NPAS3: variants seen among roughly 807,000 people sequenced by gnomAD.
The protein encoded by NPAS3 is neuronal PAS domain protein 3, also known as neuronal PAS domain-containing protein 3.
NPAS3 carries 14 observed loss-of-function variants against 73.1 expected under a neutral mutation model. The observed-to-expected ratio is 0.19, with a 90% CI of 0.13 to 0.30. NPAS3 has a LOEUF of 0.30. Ranked by LOEUF, NPAS3 falls within the 10% of genes least tolerant of loss-of-function variation. NPAS3 has a pLI of 1.00. For missense variants in NPAS3, 1,096 were observed against 1,250.0 expected, an observed-to-expected ratio of 0.88 and a Z score of 1.86; for synonymous variants, 620 against 541.5, an observed-to-expected ratio of 1.14 and a Z score of -2.01.
chr14:33,257,057 C>T (rs982534065), intron 3 of NPAS3, among the ~76,000 whole-genome samples: 32 of 152,100 alleles, frequency 2.1e-4, no homozygotes, highest in African/African-American at 7.2e-4. Context: ...TTCATATACT[C>T]CTGGTTAGCT....
intron 2 of NPAS3, among the ~76,000 whole-genome samples, chr14:33,190,160 A>G (rs1013787452): frequency 1.3e-5 from 2 of 152,234 alleles, no homozygotes; most frequent in Admixed American, 6.5e-5. Context: ...TTCCCTATAC[A>G]TCTGGACAGA....
chr14:33,447,389 C>T (rs978257732), intron 4 of NPAS3, among the ~76,000 whole-genome samples: 23 of 152,118 alleles, frequency 1.5e-4, no homozygotes, highest in African/African-American at 4.8e-4. Flanking sequence ...TGTGTGTGGG[C>T]GCACGCACGC....
chr14:33,482,944 T>C (rs1246969980), intron 4 of NPAS3, among the ~76,000 whole-genome samples: 6 of 152,206 alleles, frequency 3.9e-5, no homozygotes, highest in African/African-American at 1.4e-4. Flanking sequence ...TTAATGAATA[T>C]ACAGATCACT....
intron 2 of NPAS3, among the ~76,000 whole-genome samples, chr14:33,110,321 G>A (rs1566570062): frequency 6.6e-6 from 1 of 152,096 alleles, no homozygotes; most frequent in Non-Finnish European, 1.5e-5. Flanking sequence ...TCCAAAGAGT[G>A]TTCTACTGAA....
intron 6 of NPAS3, among the ~76,000 whole-genome samples, chr14:33,691,818 C>T (rs77894623): frequency 0.13 from 19,817 of 152,214 alleles, 1,518 homozygotes; most frequent in South Asian, 0.23. Context: ...CAACCCCCAA[C>T]TGGGGCTTTA....
At chr14:33,437,022 A>T (rs1332744625) in intron 4 of NPAS3, among the ~76,000 whole-genome samples, 1 of 152,234 alleles carries the variant, frequency 6.6e-6, no homozygotes, top group Non-Finnish European at 1.5e-5. Flanking sequence ...GTGTAAAATC[A>T]TCCAATGAGA....
At chr14:33,029,704 CA>C (rs1487404895) in intron 1 of NPAS3, among the ~76,000 whole-genome samples, 1 of 152,126 alleles carries the variant, frequency 6.6e-6, no homozygotes, top group Non-Finnish European at 1.5e-5. Flanking sequence ...TTCATTTCTG[CA>C]ATTAAGACAG....
chr14:33,713,893 G>T (rs1416816777), intron 6 of NPAS3, among the ~76,000 whole-genome samples: 1 of 152,092 alleles, frequency 6.6e-6, no homozygotes, highest in African/African-American at 2.4e-5. Flanking sequence ...ACTCTGCTGT[G>T]TCCACATTGG....
In NPAS3 at chr14:33,068,024, C is replaced by G. The variant is rs536347798; in HGVS notation, c.140+12030C>G. On this transcript the variant is annotated intron_variant, in intron 2 of 11. Coordinates refer to ENST00000356141, the Ensembl canonical transcript of NPAS3. Reference sequence around the variant, plus strand: ...AGCCTAGATTGTTGCAGTCTCCTAACTAGTGTTCTTATCTCCTATCTTACT... The same window carrying G: ...AGCCTAGATTGTTGCAGTCTCCTAAGTAGTGTTCTTATCTCCTATCTTACT... 2.6e-5 allele frequency among the ~76,000 whole-genome samples: 4 copies of G among 152,342 alleles called. No homozygotes were observed. In the East Asian group the frequency reaches 7.7e-4, roughly 29 times the overall value.
intron 7 of NPAS3, among the ~76,000 whole-genome samples, chr14:33,747,417 C>T (rs934693292): frequency 9.2e-5 from 14 of 152,274 alleles, no homozygotes; most frequent in African/African-American, 2.9e-4. Context: ...CTGATAGCTC[C>T]GTTGTAGTGA....
At chr14:33,271,213 T>C (rs951803667) in intron 3 of NPAS3, among the ~76,000 whole-genome samples, 1 of 152,226 alleles carries the variant, frequency 6.6e-6, no homozygotes, top group Non-Finnish European at 1.5e-5. Context: ...TCTTGGCCTC[T>C]CTGTGCAGCA....
intron 2 of NPAS3, among the ~76,000 whole-genome samples, chr14:33,199,566 G>C (rs2046532994): frequency 6.6e-6 from 1 of 152,084 alleles, no homozygotes; most frequent in South Asian, 2.1e-4. Flanking sequence ...TGTAGAAAGG[G>C]GAGGAGACTG....
intron 3 of NPAS3, among the ~76,000 whole-genome samples, chr14:33,354,831 C>T (rs1310530428): frequency 6.6e-6 from 1 of 152,164 alleles, no homozygotes; most frequent in Non-Finnish European, 1.5e-5. Context: ...GAATTGAACC[C>T]CTCTCTACGG....
intron 2 of NPAS3, among the ~76,000 whole-genome samples, chr14:33,176,633 G>C (rs758858137): frequency 1.3e-5 from 2 of 152,094 alleles, no homozygotes; most frequent in Non-Finnish European, 2.9e-5. Context: ...ATGGACACTT[G>C]GGTTCTTTCC....
intron 7 of NPAS3, among the ~76,000 whole-genome samples, chr14:33,757,563 G>A (rs576972013): frequency 3.3e-5 from 5 of 152,122 alleles, no homozygotes; most frequent in South Asian, 2.1e-4. Flanking sequence ...GAGAGAGACC[G>A]GTTAGGCAGC....
chr14:33,300,895 C>A (rs1435177674), intron 3 of NPAS3, among the ~76,000 whole-genome samples: 1 of 152,116 alleles, frequency 6.6e-6, no homozygotes, highest in African/African-American at 2.4e-5. Context: ...CCCCCAGCAC[C>A]CCTCAGAGGC....
intron 1 of NPAS3, among the ~76,000 whole-genome samples, chr14:32,967,940 A>T (rs568098612): frequency 1.4e-3 from 215 of 152,152 alleles, no homozygotes; most frequent in African/African-American, 4.7e-3. Context: ...TTGTGACAAC[A>T]TGGATGAACC....
At chr14:33,277,074 G>A (rs1049752750) in intron 3 of NPAS3, among the ~76,000 whole-genome samples, 1 of 152,024 alleles carries the variant, frequency 6.6e-6, no homozygotes, top group Admixed American at 6.6e-5. Flanking sequence ...AGCAGTATAG[G>A]GTGACAGAGA....
At chr14:33,465,754 T>C (rs553568206) in intron 4 of NPAS3, among the ~76,000 whole-genome samples, 1 of 152,312 alleles carries the variant, frequency 6.6e-6, no homozygotes, top group East Asian at 1.9e-4. Context: ...ATGCCTTTGA[T>C]ATTCAATTTA....
Sources: gnomAD v4.1 joint callset for allele counts (sites outside exome capture counted in the v4.1 genomes callset) on GRCh38, gnomAD v4.1.1 for gene constraint, MANE v1.5 for transcripts, NCBI Gene and HGNC (gene_info 2026-07-23, HGNC 2026-07-21) for gene names.